The following RIMKLB variants were observed in gnomAD, a reference collection of about 807,000 sequenced individuals.
RIMKLB encodes beta-citrylglutamate synthase B.
RIMKLB carries 7 observed loss-of-function variants against 32.0 expected under a neutral mutation model. The observed-to-expected ratio is 0.22, with a 90% CI of 0.12 to 0.41. The LOEUF is 0.41. Among genes scored for constraint, RIMKLB ranks in the 10% least tolerant of loss-of-function variants. The pLI is 1.00. For synonymous variants in RIMKLB, 172 were observed against 185.1 expected (o/e 0.93, Z 0.57); for missense variants, 289 against 498.7 (o/e 0.58, Z 4.00).
At chr12:8,771,677 A>C (rs753152771) in intron 5 of RIMKLB, among the ~76,000 whole-genome samples, 31 of 152,034 alleles carry the variant, frequency 2.0e-4, no homozygotes, top group South Asian at 1.3e-3. Context: ...AAATTTTTTT[A>C]GTGGCGCTCA....
At chr12:8,771,368 G>A (rs1432933260) in intron 5 of RIMKLB, among the ~76,000 whole-genome samples, 2 of 152,096 alleles carry the variant, frequency 1.3e-5, no homozygotes, top group African/African-American at 4.8e-5. Context: ...TAGGTGAAAG[G>A]AGGACAGGGG....
At chr12:8,687,042 A>G (rs1368472224) in intron 1 of RIMKLB, among the ~76,000 whole-genome samples, 1 of 152,178 alleles carries the variant, frequency 6.6e-6, no homozygotes, top group Non-Finnish European at 1.5e-5. Context: ...TCTGATTCAG[A>G]TGATCTCATT....
intron 5 of RIMKLB, among the ~76,000 whole-genome samples, chr12:8,754,340 A>G (rs1439236995): frequency 3.3e-5 from 5 of 152,188 alleles, no homozygotes; most frequent in Admixed American, 3.3e-4. Flanking sequence ...TTGTAACCCA[A>G]TTTACACATG....
intron 1 of RIMKLB, among the ~76,000 whole-genome samples, chr12:8,690,933 C>CAAAACA: frequency 6.6e-6 from 1 of 151,784 alleles, no homozygotes; most frequent in East Asian, 1.9e-4. Flanking sequence ...AAAAACAAAA[C>CAAAACA]AAAACAAAAA....
intron 2 of RIMKLB, among the ~76,000 whole-genome samples, chr12:8,715,589 G>GTAATTCTCTTTTCAGTA (rs1187200475): frequency 6.6e-6 from 1 of 152,076 alleles, no homozygotes; most frequent in Non-Finnish European, 1.5e-5. Flanking sequence ...TATTTTCAGT[G>GTAATTCTCTTTTCAGTA]TAATTCTCTT....
intron 1 of RIMKLB, chr12:8,699,963 G>T (rs1330875710): frequency 6.6e-6 from 1 of 152,198 alleles, no homozygotes; most frequent in Non-Finnish European, 1.5e-5. Flanking sequence ...TAGCCGGTTG[G>T]CTACCAGCTA....
upstream of RIMKLB, among the ~76,000 whole-genome samples, chr12:8,693,438 C>T (rs1016711322): frequency 6.6e-6 from 1 of 151,098 alleles, no homozygotes; most frequent in Non-Finnish European, 1.5e-5. Flanking sequence ...ATTCTGTCAC[C>T]TAGACCGGAG....
At chr12:8,682,118 G>T (rs1244203328) in intron 1 of RIMKLB, among the ~76,000 whole-genome samples, 2 of 152,078 alleles carry the variant, frequency 1.3e-5, no homozygotes, top group Non-Finnish European at 2.9e-5. Context: ...TTCTGTGTGA[G>T]GGTGTAAAGA....
chr12:8,768,026 C>T (rs1020325744), intron 5 of RIMKLB, among the ~76,000 whole-genome samples: 3 of 152,148 alleles, frequency 2.0e-5, no homozygotes, highest in Admixed American at 6.5e-5. Flanking sequence ...TCCAATATGG[C>T]GGCAGGCCTC....
intron 2 of RIMKLB, among the ~76,000 whole-genome samples, chr12:8,717,820 C>T (rs1188329280): frequency 6.6e-6 from 1 of 152,112 alleles, no homozygotes; most frequent in Non-Finnish European, 1.5e-5. Context: ...TCCCAAATCC[C>T]CTTTATGTTT....
At chr12:8,748,727 A>G (rs1032090614) in intron 2 of RIMKLB, among the ~76,000 whole-genome samples, 19 of 151,904 alleles carry the variant, frequency 1.3e-4, no homozygotes, top group African/African-American at 4.1e-4. Context: ...TCACAATGTC[A>G]GAAGTTTAAG....
chr12:8,760,356 G>A lies in RIMKLB; in HGVS notation c.697+6263G>A, dbSNP rs775057257. On this transcript the variant is annotated intron_variant, in intron 5 of 5. Coordinates refer to ENST00000535829, the MANE Select transcript of RIMKLB (RefSeq NM_001297776.2). ...TCCAGTCTATCATTGATGGACATTT[G>A]GGTTGGTTCCAAGTCTTTGCTATTG... Among the ~76,000 whole-genome samples the A allele has an allele frequency of 1.6e-3, 245 of 152,274 alleles. 1 individual carries two copies. The highest frequency in any genetic ancestry group is 5.7e-3 in the African/African-American group (236 of 41,548).
intron 5 of RIMKLB, among the ~76,000 whole-genome samples, chr12:8,767,618 A>G (rs1448726625): frequency 6.6e-6 from 1 of 152,216 alleles, no homozygotes; most frequent in Non-Finnish European, 1.5e-5. Flanking sequence ...TCTGTTGAGT[A>G]GAGACTTCTG....
chr12:8,746,520 C>T (rs1172581708), intron 2 of RIMKLB, among the ~76,000 whole-genome samples: 5 of 150,952 alleles, frequency 3.3e-5, no homozygotes, highest in African/African-American at 1.2e-4. Context: ...ATTGCTTGAA[C>T]CCAGGAGGCA....
In RIMKLB at chr12:8,752,033, G is replaced by C. The variant is rs1295410711; in HGVS notation, c.483G>C (p.Arg161=). Residue 161 remains arginine, a synonymous_variant, in exon 4 of 6, where the codon CGG becomes CGC. Coordinates refer to ENST00000535829, the MANE Select transcript of RIMKLB (RefSeq NM_001297776.2). ...TCCCAATGGTAGTAAAGAATACGCGGGGTCACAGAGGTATGTATGAGTTGT... is the reference window on the plus strand; with the variant it reads ...TCCCAATGGTAGTAAAGAATACGCGCGGTCACAGAGGTATGTATGAGTTGT... ...LEFPMVVKNT[R]GHRGKAVFLA... is the part of the protein sequence containing the mutation. 1.9e-6 allele frequency: 3 copies of C among 1,601,176 alleles called. No individual in the cohort carries two copies. Among genetic ancestry groups the C allele is most frequent in the Non-Finnish European group, 2.6e-6 (3 of 1,168,640 alleles).
Position 8,773,569 on chromosome 12 carries a change from A to T in RIMKLB, c.946A>T (p.Met316Leu). The T allele has an allele frequency of 6.2e-7, 1 of 1,614,232 alleles. No individual in the cohort carries two copies. The highest frequency in any genetic ancestry group is 1.1e-5 in the South Asian group (1 of 91,088). The change falls in exon 6 of 6, where the codon ATG becomes TTG. Residue 316 changes from methionine (M) to leucine (L), a missense_variant. Transcript: ENST00000535829. ...ACCCTCTGGCCGGCTCACCCGGCGT[A>T]TGTCCCTGCTCTCCGTGGTGTCCAC... ...LLPSGRLTRR[M>L]SLLSVVSTAS...
intron 2 of RIMKLB, among the ~76,000 whole-genome samples, chr12:8,731,048 G>A (rs943083555): frequency 6.7e-6 from 1 of 148,450 alleles, no homozygotes; most frequent in African/African-American, 2.5e-5. Flanking sequence ...CCTCAATGCA[G>A]CTTTCTTGAT....
intron 1 of RIMKLB, among the ~76,000 whole-genome samples, chr12:8,709,041 T>C (rs1431992555): frequency 3.3e-5 from 5 of 152,344 alleles, no homozygotes; most frequent in Middle Eastern, 3.4e-3. Context: ...GGAAATACTA[T>C]ACGGTACTCA....
At chr12:8,739,378 T>A (rs770798470) in intron 2 of RIMKLB, among the ~76,000 whole-genome samples, 1 of 152,356 alleles carries the variant, frequency 6.6e-6, no homozygotes, top group East Asian at 1.9e-4. Flanking sequence ...AGATGAGTTC[T>A]CACTATGTTG....
Sources: gnomAD v4.1 joint callset for allele counts (sites outside exome capture counted in the v4.1 genomes callset) on GRCh38, gnomAD v4.1.1 for gene constraint, MANE v1.5 for transcripts, NCBI Gene and HGNC (gene_info 2026-07-23, HGNC 2026-07-21) for gene names.